Variants in UNC79 observed in about 807,000 individuals in gnomAD.
UNC79 encodes protein unc-79 homolog.
In UNC79, 37 loss-of-function variants were observed where a neutral mutation model predicts 283.1. That is an observed-to-expected ratio of 0.13 (90% confidence interval 0.10 to 0.17). The LOEUF (loss-of-function observed/expected upper bound fraction) is 0.17. Among genes scored for constraint, UNC79 ranks in the 10% least tolerant of loss-of-function variants. The probability of loss-of-function intolerance (pLI) is 1.00; values close to 1 mark genes in which losing one functional copy is unlikely to be tolerated. For missense variants in UNC79, 2,272 were observed against 3,211.1 expected (o/e 0.71, Z 7.07); for synonymous variants, 1,107 against 1,200.2 (o/e 0.92, Z 1.61).
At chr14:93,583,919 C>T (rs1281664848) in intron 20 of UNC79, among the ~76,000 whole-genome samples, 1 of 151,946 alleles carries the variant, frequency 6.6e-6, no homozygotes, top group Non-Finnish European at 1.5e-5. Flanking sequence ...AGTCCTCCCA[C>T]CTCAGCCTCC....
At chr14:93,498,563 C>G (rs2059137131) in intron 7 of UNC79, among the ~76,000 whole-genome samples, 1 of 152,030 alleles carries the variant, frequency 6.6e-6, no homozygotes, top group Non-Finnish European at 1.5e-5. Context: ...TGCATTCCAG[C>G]CCGGGTGACA....
chr14:93,630,913 G>A lies in UNC79; in HGVS notation c.5716+5G>A. ...GTAGCCATTCCTCAATATCAAGTAA[G>A]ATTTCCTCTGCTGATTATTTCATCT... On this transcript the variant is annotated splice_donor_5th_base_variant and intron_variant, in intron 31 of 48. Transcript: ENST00000555664. The A allele has an allele frequency of 1.9e-6, 3 of 1,610,156 alleles. No individual in the cohort carries two copies. The highest frequency in any genetic ancestry group is 2.6e-6 in the Non-Finnish European group (3 of 1,176,404).
chr14:93,690,889 A>C lies in UNC79; in HGVS notation c.7272+586A>C, dbSNP rs1187884584. On this transcript the variant is annotated intron_variant, in intron 45 of 48. Transcript: ENST00000555664. This position sits in a 1 kb window ranked among gnomAD's most constrained non-coding sequence, Gnocchi z 4.3. ...GAGCCTGTGCAGGCAAACCGGACAC[A>C]TTGGTACTAATCAGCTCCGAGGAGC... 1.3e-5 allele frequency: 2 copies of C among 154,628 alleles called. No individual in the cohort carries two copies. The highest frequency in any genetic ancestry group is 1.4e-5 in the Non-Finnish European group (1 of 69,708). The allele number at this position is 154,628 out of a possible 1,614,324, so 9.6% of individuals were successfully genotyped here. A position where few individuals can be genotyped will look rare whatever the true frequency, so the allele number is the denominator to read the frequency against.
chr14:93,519,987 T>C (rs911751435), intron 7 of UNC79, among the ~76,000 whole-genome samples: 7 of 151,962 alleles, frequency 4.6e-5, no homozygotes, highest in Non-Finnish European at 5.9e-5. Flanking sequence ...ATACTTACCA[T>C]GTCCAACACT....
At chr14:93,663,554 A>T (rs555639087) in intron 40 of UNC79, among the ~76,000 whole-genome samples, 1 of 152,314 alleles carries the variant, frequency 6.6e-6, no homozygotes, top group East Asian at 1.9e-4. Context: ...ATCTAATTTT[A>T]TACTGAGGCT....
In UNC79 at chr14:93,695,890, C is replaced by CAAAAAAAAAAAAAAAAAAAAAAAA. The variant is rs535235954; in HGVS notation, c.7548+1498_7548+1499insAAAAAAAAAAAAAAAAAAAAAAAA. 1.4e-3 allele frequency among the ~76,000 whole-genome samples: 56 copies of CAAAAAAAAAAAAAAAAAAAAAAAA among 39,390 alleles called. 1 individual carries two copies. The highest frequency in any genetic ancestry group is 2.0e-3 in the Non-Finnish European group (43 of 21,424). The allele number at this position is 39,390 out of a possible 152,430, so 25.8% of individuals were successfully genotyped here. On this transcript the variant is annotated intron_variant, in intron 47 of 48. Coordinates refer to ENST00000555664, the Ensembl canonical transcript of UNC79. ...TGGGCAACAGGATGAGACTTTGTCT[C>CAAAAAAAAAAAAAAAAAAAAAAAA]AAAAAAAAAAAAAAAAAAAAGCAAA...
intron 47 of UNC79, among the ~76,000 whole-genome samples, chr14:93,698,588 C>A (rs1360264426): frequency 7.1e-6 from 1 of 141,524 alleles, no homozygotes; most frequent in Non-Finnish European, 1.5e-5. Flanking sequence ...CGGGTTCAAG[C>A]AATTCTCGTG....
At chr14:93,354,619 C>G (rs1404386737) in intron 1 of UNC79, among the ~76,000 whole-genome samples, 1 of 152,086 alleles carries the variant, frequency 6.6e-6, no homozygotes, top group African/African-American at 2.4e-5. Context: ...CACCTCAGTC[C>G]CTTGAGTAGC....
intron 31 of UNC79, among the ~76,000 whole-genome samples, chr14:93,635,125 G>A (rs781430780): frequency 1.3e-5 from 2 of 152,220 alleles, no homozygotes; most frequent in South Asian, 2.1e-4. Context: ...GGTTGCAGCC[G>A]CACACCCCCA....
At chr14:93,648,296 GA>G (rs572465546) in intron 35 of UNC79, among the ~76,000 whole-genome samples, 10 of 152,032 alleles carry the variant, frequency 6.6e-5, no homozygotes, top group Middle Eastern at 3.4e-3. Flanking sequence ...TCTTTTTAAG[GA>G]AAAAAAATTT....
chr14:93,444,770 T>A (rs192395005), intron 1 of UNC79, among the ~76,000 whole-genome samples: 212 of 152,308 alleles, frequency 1.4e-3, no homozygotes, highest in African/African-American at 4.9e-3. Flanking sequence ...CTTATGTCAA[T>A]GGCATATGAT....
intron 39 of UNC79, among the ~76,000 whole-genome samples, chr14:93,660,996 G>C (rs1028083124): frequency 1.3e-5 from 2 of 152,072 alleles, no homozygotes; most frequent in Non-Finnish European, 2.9e-5. Flanking sequence ...GGATTTCTGT[G>C]GGGGAATACA....
chr14:93,566,131 G>A (rs1296781495), intron 14 of UNC79, among the ~76,000 whole-genome samples: 1 of 152,160 alleles, frequency 6.6e-6, no homozygotes, highest in African/African-American at 2.4e-5. Flanking sequence ...CAGCTGCAGA[G>A]GGGTCCGGCC....
intron 8 of UNC79, among the ~76,000 whole-genome samples, chr14:93,527,818 C>A (rs2060615603): frequency 6.6e-6 from 1 of 151,988 alleles, no homozygotes. Flanking sequence ...AGTTAGTTAT[C>A]TAGATTTTTT....
chr14:93,505,964 T>TTA (rs2059516350), intron 7 of UNC79, among the ~76,000 whole-genome samples: 1 of 151,712 alleles, frequency 6.6e-6, no homozygotes, highest in South Asian at 2.1e-4. Context: ...ATACTTTATT[T>TTA]TATATATATA....
intron 7 of UNC79, among the ~76,000 whole-genome samples, chr14:93,518,462 A>G (rs939167260): frequency 7.4e-5 from 11 of 149,032 alleles, no homozygotes; most frequent in African/African-American, 2.7e-4. Flanking sequence ...GTCCATCAGG[A>G]TGCTGGGGCC....
At chr14:93,568,286 G>A (rs892047126) in intron 14 of UNC79, among the ~76,000 whole-genome samples, 1 of 152,146 alleles carries the variant, frequency 6.6e-6, no homozygotes, top group African/African-American at 2.4e-5. Flanking sequence ...GGGGAGAGCT[G>A]AGCCAAGCTC....
chr14:93,613,319 T>C (rs909418395), intron 27 of UNC79, among the ~76,000 whole-genome samples: 2 of 151,944 alleles, frequency 1.3e-5, no homozygotes, highest in Admixed American at 6.6e-5. Flanking sequence ...TGTGTGTGTG[T>C]GTGTGAGAGA....
intron 30 of UNC79, among the ~76,000 whole-genome samples, chr14:93,626,607 T>C (rs922214208): frequency 6.6e-6 from 1 of 152,234 alleles, no homozygotes; most frequent in Non-Finnish European, 1.5e-5. Flanking sequence ...AGAGATAGAA[T>C]AGAGTTGTCT....
Sources: gnomAD v4.1 joint callset for allele counts (sites outside exome capture counted in the v4.1 genomes callset) on GRCh38, gnomAD v4.1.1 for gene constraint, Gnocchi (gnomAD v3.1) non-coding constraint, MANE v1.5 for transcripts, NCBI Gene and HGNC (gene_info 2026-07-23, HGNC 2026-07-21) for gene names.